Variants in HMX1 observed in about 807,000 individuals in gnomAD.
HMX1 encodes the protein H6 family homeobox 1.
A neutral mutation model predicts 8.9 loss-of-function variants in HMX1; 8 were observed. The observed-to-expected ratio is 0.90, with a 90% CI of 0.53 to 1.63. The LOEUF is 1.63. Among genes scored for constraint, HMX1 ranks in the 40% most tolerant of loss-of-function variants. The pLI is 0.00. For missense variants in HMX1, 621 were observed against 558.5 expected (o/e 1.11, Z -1.13); for synonymous variants, 311 against 283.4 (o/e 1.10, Z -0.98).
chr4:8,860,403 T>C (rs1338012620), intron 1 of HMX1, among the ~76,000 whole-genome samples: 2 of 152,186 alleles, frequency 1.3e-5, no homozygotes, highest in Non-Finnish European at 2.9e-5. Context: ...GCTCCCGTCA[T>C]TACATCGCGC....
At position 8,870,290 on chromosome 4, in the gene HMX1, G is replaced by T. The variant is rs1487611406; in HGVS notation, c.394+931C>A. ...GGCTTTCCTGGCCTTCCTCCCAGGG[G>T]TCTTCCTAAAGGGCAGGTACAAAAG... On this transcript the variant is annotated intron_variant, in intron 1 of 1. Coordinates refer to ENST00000400677, the MANE Select transcript of HMX1 (RefSeq NM_018942.3). The surrounding 1 kb of genome is among the most constrained non-coding windows in gnomAD (Gnocchi z 4.4). Among the ~76,000 whole-genome samples, 1 of 151,998 alleles carries T rather than the reference G, an allele frequency of 6.6e-6. No homozygotes were observed. Among genetic ancestry groups the T allele is most frequent in the Non-Finnish European group, 1.5e-5 (1 of 68,000 alleles).
At position 8,853,744 on chromosome 4, in the gene HMX1, C is replaced by T. The variant is rs1296437551; in HGVS notation, c.395-7420G>A. Among the ~76,000 whole-genome samples the T allele has an allele frequency of 2.0e-5, 3 of 151,582 alleles. No individual in the cohort carries two copies. Among genetic ancestry groups the T allele is most frequent in the African/African-American group, 4.9e-5 (2 of 41,222 alleles). On this transcript the variant is annotated intron_variant, in intron 1 of 1. Transcript: ENST00000506970. This position sits in a 1 kb window ranked among gnomAD's most constrained non-coding sequence, Gnocchi z 4.7. The stretch of plus-strand genomic sequence containing the variant: ...GTGGGCCCCTGTAATCTCAGCTACT[C>T]GGGGAGGCTGAGACAGGAGAATTGT...
downstream of HMX1, among the ~76,000 whole-genome samples, chr4:8,865,094 C>T (rs1237012434): frequency 3.3e-5 from 5 of 152,158 alleles, no homozygotes; most frequent in South Asian, 1.0e-3. Context: ...GGCCCGGAGT[C>T]AGGTGACTCC....
chr4:8,852,298 G>A (rs1003283349), intron 1 of HMX1, among the ~76,000 whole-genome samples: 4 of 152,240 alleles, frequency 2.6e-5, no homozygotes, highest in East Asian at 1.9e-4. Flanking sequence ...TGCTGGAGCC[G>A]CCTGAAACCC....
At chr4:8,856,685 A>G (rs537656838) in intron 1 of HMX1, among the ~76,000 whole-genome samples, 2 of 152,242 alleles carry the variant, frequency 1.3e-5, no homozygotes, top group East Asian at 1.9e-4. Context: ...CATTTTGAAG[A>G]AGGAGGGGAG....
At position 8,871,129 on chromosome 4, in the gene HMX1, CGGGCGGCGACGAG is replaced by C; in HGVS notation, c.394+79_394+91del. 1 of 1,212,846 alleles carries C rather than the reference CGGGCGGCGACGAG, an allele frequency of 8.2e-7. No homozygotes were observed. The highest frequency in any genetic ancestry group is 1.0e-6 in the Non-Finnish European group (1 of 955,468). 75.1% of individuals were successfully genotyped at this position (1,212,846 alleles called of 1,614,324 possible). On this transcript the variant is annotated intron_variant, in intron 1 of 1. Coordinates refer to ENST00000400677, the MANE Select transcript of HMX1 (RefSeq NM_018942.3). The surrounding 1 kb of genome is among the most constrained non-coding windows in gnomAD (Gnocchi z 4.8). Reference sequence around the variant, plus strand: ...ACAGAAGGGAGAGGATGGCCCAGAACGGGCGGCGACGAGCCCGAAGTCCCCCAGCAAATGCGCA... The same window carrying C: ...ACAGAAGGGAGAGGATGGCCCAGAACCCCGAAGTCCCCCAGCAAATGCGCA...
chr4:8,860,867 G>A lies in HMX1; in HGVS notation c.394+10354C>T, dbSNP rs1211292593. The A allele has an allele frequency of 2.0e-5, 3 of 152,474 alleles. No individual in the cohort carries two copies. In the East Asian group the frequency reaches 5.8e-4, roughly 29 times the overall value. 9.4% of individuals were successfully genotyped at this position (152,474 alleles called of 1,614,324 possible). A position where few individuals can be genotyped will look rare whatever the true frequency, so the allele number is the denominator to read the frequency against. Reference sequence around the variant, plus strand: ...GTAAGGGGCCGGGTAGGGGAGGGGAGCGAGAAGTGGCGAGGTGAGAACTGA... The same window carrying A: ...GTAAGGGGCCGGGTAGGGGAGGGGAACGAGAAGTGGCGAGGTGAGAACTGA... On this transcript the variant is annotated intron_variant, in intron 1 of 1. Coordinates refer to the HMX1 transcript ENST00000506970.
chr4:8,854,763 C>A (rs551995053), intron 1 of HMX1, among the ~76,000 whole-genome samples: 2 of 152,170 alleles, frequency 1.3e-5, no homozygotes, highest in Admixed American at 6.5e-5. Context: ...AAGAACAATA[C>A]GAAGAAAAAC....
At chr4:8,862,654 C>CA (rs2109466571), downstream of HMX1, among the ~76,000 whole-genome samples, 1 of 152,320 alleles carries the variant, frequency 6.6e-6, no homozygotes, top group Admixed American at 6.5e-5. Flanking sequence ...AATCCACACT[C>CA]AAAGGCAGTT....
chr4:8,857,424 C>T (rs1309813836), intron 1 of HMX1, among the ~76,000 whole-genome samples: 1 of 152,196 alleles, frequency 6.6e-6, no homozygotes, highest in Non-Finnish European at 1.5e-5. Context: ...CCTCCGCTTT[C>T]TCCTTCCTCC....
At chr4:8,861,163 C>G (rs1271952926) in intron 1 of HMX1, among the ~76,000 whole-genome samples, 2 of 152,130 alleles carry the variant, frequency 1.3e-5, no homozygotes, top group African/African-American at 4.8e-5. Flanking sequence ...CCCCGCGGGT[C>G]CGGGCGCCGC....
rs1721342908 is a variant in HMX1 at position 8,848,559 on chromosome 4, C to T, written c.395-2235G>A. 3.9e-5 allele frequency among the ~76,000 whole-genome samples: 6 copies of T among 152,214 alleles called. No individual in the cohort carries two copies. Among genetic ancestry groups the T allele is most frequent in the Admixed American group, 3.9e-4 (6 of 15,282 alleles). On this transcript the variant is annotated intron_variant, in intron 1 of 1. Coordinates refer to the HMX1 transcript ENST00000506970. The surrounding 1 kb of genome is among the most constrained non-coding windows in gnomAD (Gnocchi z 4.1). ...GAGAAGGCAAGTAAGTTGCCTGGGT[C>T]ACACAGCATGTGGATGGAGCTGGGC...
At chr4:8,860,855 T>A (rs549349508) in intron 1 of HMX1, 1 of 149,916 alleles carries the variant, frequency 6.7e-6, no homozygotes, top group East Asian at 2.0e-4. Flanking sequence ...AGGGGCCGGG[T>A]AGGGGAGGGG....
chr4:8,868,123 G>A lies in HMX1; in HGVS notation c.617C>T (p.Thr206Met), dbSNP rs892961907. Residue 206 changes from threonine to methionine, a missense_variant, in exon 2 of 2, where the codon ACG (threonine) becomes ATG (methionine). Physicochemically the swap from Thr to Met is moderately conservative, Grantham distance 81. Transcript: ENST00000400677. The surrounding 1 kb of genome is among the most constrained non-coding windows in gnomAD (Gnocchi z 4.6). ...VGVGGGRKKK[T>M]RTVFSRSQVF... ...CTGGCTGCGGGAGAAGACTGTGCGCGTCTTCTTCTTTCGGCCGCCGCCCAC... is the reference window on the plus strand; with the variant it reads ...CTGGCTGCGGGAGAAGACTGTGCGCATCTTCTTCTTTCGGCCGCCGCCCAC... The A allele has an allele frequency of 6.6e-6, 10 of 1,515,608 alleles. No homozygotes were observed. The highest frequency in any genetic ancestry group is 5.7e-5 in the African/African-American group (4 of 70,472). 93.9% of individuals were successfully genotyped at this position (1,515,608 alleles called of 1,614,324 possible). A position where few individuals can be genotyped will look rare whatever the true frequency, so the allele number is the denominator to read the frequency against.
At chr4:8,869,559 G>T (rs764799669) in intron 1 of HMX1, among the ~76,000 whole-genome samples, 1 of 152,250 alleles carries the variant, frequency 6.6e-6, no homozygotes, top group Non-Finnish European at 1.5e-5. Flanking sequence ...GCTTCTGTGC[G>T]TGGTTCCAGC....
At position 8,867,186 on chromosome 4, in the gene HMX1, G is replaced by A; in HGVS notation, c.*507C>T. ...GGACGATGGGACCCACAGGTCCAGGGTCCTTTCTCCACCAGCACCCGCGAG... is the reference window on the plus strand; with the variant it reads ...GGACGATGGGACCCACAGGTCCAGGATCCTTTCTCCACCAGCACCCGCGAG... On this transcript the variant is annotated 3_prime_UTR_variant, in exon 2 of 2. Coordinates refer to ENST00000400677, the MANE Select transcript of HMX1 (RefSeq NM_018942.3). 1 of 985,676 alleles carries A rather than the reference G, an allele frequency of 1.0e-6. No homozygotes were observed. Among genetic ancestry groups the A allele is most frequent in the South Asian group, 4.7e-5 (1 of 21,298 alleles). 61.1% of individuals were successfully genotyped at this position (985,676 alleles called of 1,614,324 possible). A position where few individuals can be genotyped will look rare whatever the true frequency, so the allele number is the denominator to read the frequency against.
In HMX1 at chr4:8,868,307, C is replaced by G. The variant is rs779943267; in HGVS notation, c.433G>C (p.Gly145Arg). 2 of 1,441,212 alleles carry G rather than the reference C, an allele frequency of 1.4e-6. No homozygotes were observed. The highest frequency in any genetic ancestry group is 2.8e-5 in the South Asian group (2 of 71,008). 89.3% of individuals were successfully genotyped at this position (1,441,212 alleles called of 1,614,324 possible). ...CGCGGCCAGGCGCCCTCCGCACGGC[C>G]CATCTCCTCGCCCGTCTCCGGTGAG... Reference protein sequence around the residue: ...RDSPETGEEMGRAEGAWPRGP... With the variant: ...RDSPETGEEMRRAEGAWPRGP... Residue 145 changes from glycine (G) to arginine (R), a missense_variant, in exon 2 of 2, where the codon GGC (glycine) becomes CGC (arginine). Transcript: ENST00000400677. This position sits in a 1 kb window ranked among gnomAD's most constrained non-coding sequence, Gnocchi z 4.6.
chr4:8,855,232 C>T (rs1212482477), intron 1 of HMX1, among the ~76,000 whole-genome samples: 1 of 152,250 alleles, frequency 6.6e-6, no homozygotes, highest in Non-Finnish European at 1.5e-5. Flanking sequence ...ATTCAAGCTG[C>T]AGCTAATTGG....
downstream of HMX1, among the ~76,000 whole-genome samples, chr4:8,862,926 C>T (rs1034241740): frequency 2.0e-5 from 3 of 152,146 alleles, no homozygotes; most frequent in Non-Finnish European, 4.4e-5. Flanking sequence ...TGTCCCCTCT[C>T]CGGCCCACCT....
Sources: allele counts gnomAD v4.1 joint callset (sites outside exome capture counted in the v4.1 genomes callset), GRCh38; gene constraint gnomAD v4.1.1; non-coding constraint Gnocchi (gnomAD v3.1); transcripts MANE v1.5; gene names NCBI Gene and HGNC (gene_info 2026-07-23, HGNC 2026-07-21).